The following CHSY3 variants were observed in gnomAD, a reference collection of about 807,000 sequenced individuals.
CHSY3 encodes N-acetylgalactosaminyl-proteoglycan 3-beta-glucuronosyltransferase 3.
CHSY3 carries 35 observed loss-of-function variants against 67.2 expected under a neutral mutation model. That is an observed-to-expected ratio of 0.52 (90% CI 0.40 to 0.69). The LOEUF is 0.69. CHSY3 is among the 30% of genes least tolerant of loss of function. CHSY3 has a pLI of 0.00. For missense variants in CHSY3, 1,069 were observed against 1,138.5 expected, an observed-to-expected ratio of 0.94 and a Z score of 0.88; for synonymous variants, 474 against 434.7, an observed-to-expected ratio of 1.09 and a Z score of -1.12.
chr5:129,963,072 A>G (rs1462211781), intron 2 of CHSY3, among the ~76,000 whole-genome samples: 3 of 151,830 alleles, frequency 2.0e-5, no homozygotes, highest in Non-Finnish European at 4.4e-5. Flanking sequence ...ATGAGAATTG[A>G]CTATAACTTG....
rs370054710 is a variant in CHSY3 at position 130,147,920 on chromosome 5, TG to T, written c.1087-36303del. Among the ~76,000 whole-genome samples, 323 of 152,240 alleles carry T rather than the reference TG, an allele frequency of 2.1e-3. 6 individuals are homozygous for T. In the South Asian group the frequency reaches 0.035, roughly 17 times the overall value. ...TTGTTACACAGGTAAACCCGTGTCA[TG>T]GGGGGTTGTTGTACAGATTATTTTG... On this transcript the variant is annotated intron_variant, in intron 2 of 2. Coordinates refer to ENST00000305031, the MANE Select transcript of CHSY3 (RefSeq NM_175856.5).
At chr5:129,957,461 T>A (rs1303695435) in intron 2 of CHSY3, among the ~76,000 whole-genome samples, 1 of 152,196 alleles carries the variant, frequency 6.6e-6, no homozygotes, top group Non-Finnish European at 1.5e-5. Flanking sequence ...TATTCCTTTC[T>A]TTTGCCTGAT....
At chr5:130,162,737 T>A (rs1270584175) in intron 2 of CHSY3, among the ~76,000 whole-genome samples, 1 of 152,014 alleles carries the variant, frequency 6.6e-6, no homozygotes, top group East Asian at 1.9e-4. Flanking sequence ...CTCATTATGC[T>A]CTCTCCAACT....
intron 2 of CHSY3, among the ~76,000 whole-genome samples, chr5:129,954,914 G>A (rs976549366): frequency 6.6e-6 from 1 of 152,064 alleles, no homozygotes; most frequent in African/African-American, 2.4e-5. Flanking sequence ...TGCCACCCAG[G>A]CTGCAGTGCC....
chr5:130,185,340 A>T lies in CHSY3; in HGVS notation c.2198A>T (p.Asp733Val). 6.2e-7 allele frequency: 1 copy of T among 1,609,012 alleles called. No individual in the cohort carries two copies. The change falls in exon 3 of 3, where the codon GAC becomes GTC. Residue 733 changes from aspartate to valine, a missense_variant. Asp to Val is a radical substitution (Grantham distance 152). Coordinates refer to ENST00000305031, the MANE Select transcript of CHSY3 (RefSeq NM_175856.5). ...FREDFLQRCR[D>V]NTIQGQQVYY... Reference sequence around the variant, plus strand: ...GAAGATTTTCTCCAACGATGTAGAGACAATACAATTCAGGGACAACAGGTG... The same window carrying T: ...GAAGATTTTCTCCAACGATGTAGAGTCAATACAATTCAGGGACAACAGGTG...
chr5:130,093,423 G>A (rs1329799797), intron 2 of CHSY3, among the ~76,000 whole-genome samples: 1 of 152,072 alleles, frequency 6.6e-6, no homozygotes, highest in Non-Finnish European at 1.5e-5. Context: ...TATATGTTTG[G>A]TTGTAAATAT....
At chr5:129,988,801 A>T (rs1763275943) in intron 2 of CHSY3, among the ~76,000 whole-genome samples, 1 of 152,140 alleles carries the variant, frequency 6.6e-6, no homozygotes, top group Non-Finnish European at 1.5e-5. Context: ...TTAACCTAAA[A>T]TTTTCTAAAA....
At chr5:129,937,863 C>T (rs1761554579) in intron 2 of CHSY3, among the ~76,000 whole-genome samples, 1 of 152,118 alleles carries the variant, frequency 6.6e-6, no homozygotes, top group African/African-American at 2.4e-5. Flanking sequence ...CTCCCAAGGC[C>T]TTGGGAAGCT....
At chr5:129,981,911 AGT>A (rs1258166938) in intron 2 of CHSY3, among the ~76,000 whole-genome samples, 1 of 152,130 alleles carries the variant, frequency 6.6e-6, no homozygotes. Flanking sequence ...ATCATGAATG[AGT>A]GTTGAATTTC....
intron 2 of CHSY3, among the ~76,000 whole-genome samples, chr5:129,937,847 G>T (rs1386257958): frequency 2.0e-5 from 3 of 152,216 alleles, no homozygotes; most frequent in Admixed American, 6.5e-5. Flanking sequence ...TGATGCAAGG[G>T]TTGGGCTCCC....
chr5:130,107,463 G>A (rs907312843), intron 2 of CHSY3, among the ~76,000 whole-genome samples: 4 of 150,452 alleles, frequency 2.7e-5, no homozygotes, highest in African/African-American at 4.9e-5. Flanking sequence ...GTGTGTGTTC[G>A]TCTATATATA....
At chr5:130,143,720 A>ATATG (rs1168097663) in intron 2 of CHSY3, among the ~76,000 whole-genome samples, 2 of 110,584 alleles carry the variant, frequency 1.8e-5, no homozygotes, top group African/African-American at 8.0e-5. Flanking sequence ...ATATATATAT[A>ATATG]TGTGTGTGTG....
At chr5:129,957,268 AT>A (rs924256587) in intron 2 of CHSY3, among the ~76,000 whole-genome samples, 7 of 151,494 alleles carry the variant, frequency 4.6e-5, no homozygotes, top group African/African-American at 1.7e-4. Context: ...TCTCAGCTTG[AT>A]TTTTTTTGGT....
At chr5:130,153,602 G>T (rs1769291268) in intron 2 of CHSY3, among the ~76,000 whole-genome samples, 1 of 152,050 alleles carries the variant, frequency 6.6e-6, no homozygotes, top group South Asian at 2.1e-4. Context: ...TTGAAGGCAG[G>T]ATTCTACTTC....
intron 2 of CHSY3, among the ~76,000 whole-genome samples, chr5:130,106,768 C>T (rs1017524682): frequency 1.3e-5 from 2 of 151,452 alleles, no homozygotes; most frequent in Non-Finnish European, 3.0e-5. Flanking sequence ...GTCATTATAC[C>T]TACCTCTAAC....
chr5:130,012,435 TA>T (rs1357052783), intron 2 of CHSY3, among the ~76,000 whole-genome samples: 1 of 152,188 alleles, frequency 6.6e-6, no homozygotes, highest in African/African-American at 2.4e-5. Context: ...ACCATTGTTT[TA>T]GTCCATTCTC....
intron 2 of CHSY3, among the ~76,000 whole-genome samples, chr5:130,022,159 A>G (rs1313003549): frequency 6.6e-6 from 1 of 152,112 alleles, no homozygotes; most frequent in Non-Finnish European, 1.5e-5. Context: ...ATTTAATTCT[A>G]TACCCAGGGG....
intron 2 of CHSY3, among the ~76,000 whole-genome samples, chr5:130,067,602 C>G (rs1041787922): frequency 2.6e-5 from 4 of 151,936 alleles, no homozygotes; most frequent in Non-Finnish European, 5.9e-5. Context: ...TGGTATTGGA[C>G]TTTTATAAGA....
At position 130,089,883 on chromosome 5, in the gene CHSY3, A is replaced by G. The variant is rs751711196; in HGVS notation, c.1087-94346A>G. On this transcript the variant is annotated intron_variant, in intron 2 of 2. Coordinates refer to ENST00000305031, the MANE Select transcript of CHSY3 (RefSeq NM_175856.5). ...CTTATTACTGTCAGCATGTGTCCAG[A>G]TAACAACTGGGGACCAACAAAGGTT... is the stretch of plus-strand genomic sequence containing the variant. 3.3e-5 allele frequency among the ~76,000 whole-genome samples: 5 copies of G among 152,204 alleles called. No individual in the cohort carries two copies. In the East Asian group the frequency reaches 9.6e-4, roughly 29 times the overall value.
Sources: allele counts gnomAD v4.1 joint callset (sites outside exome capture counted in the v4.1 genomes callset), GRCh38; gene constraint gnomAD v4.1.1; transcripts MANE v1.5; gene names NCBI Gene and HGNC (gene_info 2026-07-23, HGNC 2026-07-21).